The following ANKS1B variants were observed in gnomAD, a reference collection of about 807,000 sequenced individuals.
ANKS1B encodes the protein ankyrin repeat and sterile alpha motif domain containing 1B, also known as ankyrin repeat and sterile alpha motif domain-containing protein 1B.
ANKS1B carries 36 observed loss-of-function variants against 148.3 expected under a neutral mutation model. The ratio of observed to expected loss-of-function variants is 0.24; its 90% CI spans 0.19 to 0.32. The LOEUF (loss-of-function observed/expected upper bound fraction) is 0.32. Among genes scored for constraint, ANKS1B ranks in the 10% least tolerant of loss-of-function variants. ANKS1B has a pLI of 1.00. For synonymous variants in ANKS1B, 542 were observed against 560.8 expected (o/e 0.97, Z 0.47); for missense variants, 1,157 against 1,542.6 (o/e 0.75, Z 4.19).
chr12:99,409,978 T>G (rs2094638614), intron 11 of ANKS1B, among the ~76,000 whole-genome samples: 1 of 152,194 alleles, frequency 6.6e-6, no homozygotes, highest in Admixed American at 6.5e-5. Flanking sequence ...TGTGGTCCAG[T>G]CCTCATATCA....
chr12:99,366,020 C>T (rs758115837), intron 12 of ANKS1B, among the ~76,000 whole-genome samples: 1 of 152,140 alleles, frequency 6.6e-6, no homozygotes, highest in South Asian at 2.1e-4. Context: ...GTCACTGGAC[C>T]TGGATCTATT....
intron 8 of ANKS1B, among the ~76,000 whole-genome samples, chr12:99,770,043 T>C (rs1370913246): frequency 6.6e-6 from 1 of 152,170 alleles, no homozygotes; most frequent in Non-Finnish European, 1.5e-5. Context: ...TTTTAAAAAT[T>C]CCTTTGGCCA....
At chr12:98,974,938 TTTCC>T (rs1308136396) in intron 17 of ANKS1B, among the ~76,000 whole-genome samples, 3 of 142,604 alleles carry the variant, frequency 2.1e-5, no homozygotes, top group African/African-American at 5.2e-5. Context: ...TTCCTCCTTC[TTTCC>T]TTCCTTCATT....
intron 1 of ANKS1B, among the ~76,000 whole-genome samples, chr12:99,916,060 A>G (rs1170349711): frequency 6.6e-6 from 1 of 152,186 alleles, no homozygotes; most frequent in East Asian, 1.9e-4. Context: ...ACACAATTCA[A>G]CCTATGACAA....
At chr12:99,975,041 A>G (rs2095608896) in intron 1 of ANKS1B, among the ~76,000 whole-genome samples, 1 of 152,126 alleles carries the variant, frequency 6.6e-6, no homozygotes, top group Non-Finnish European at 1.5e-5. Context: ...AGTCCCAGCT[A>G]CTTGGGGTCT....
intron 7 of ANKS1B, among the ~76,000 whole-genome samples, chr12:99,773,681 C>T (rs375720774): frequency 8.0e-4 from 121 of 152,046 alleles, no homozygotes; most frequent in African/African-American, 2.7e-3. Flanking sequence ...ATACCTTATA[C>T]CTGTAATTTA....
chr12:99,342,775 G>A (rs1029590516), intron 12 of ANKS1B, among the ~76,000 whole-genome samples: 2 of 151,842 alleles, frequency 1.3e-5, no homozygotes, highest in African/African-American at 4.8e-5. Context: ...AAAGTAAAAT[G>A]GGAAAGACTA....
chr12:99,333,297 C>A (rs2087955634), intron 12 of ANKS1B, among the ~76,000 whole-genome samples: 1 of 151,896 alleles, frequency 6.6e-6, no homozygotes, highest in South Asian at 2.1e-4. Flanking sequence ...AAAGTTATTG[C>A]AATAATTTAG....
chr12:99,019,790 T>TA (rs1249673052), intron 17 of ANKS1B, among the ~76,000 whole-genome samples: 3 of 152,182 alleles, frequency 2.0e-5, no homozygotes, highest in African/African-American at 4.8e-5. Flanking sequence ...AATTCAGGAA[T>TA]AAAACTAAAG....
chr12:99,194,813 ACTTT>A (rs959999955), intron 14 of ANKS1B, among the ~76,000 whole-genome samples: 1 of 152,076 alleles, frequency 6.6e-6, no homozygotes, highest in African/African-American at 2.4e-5. Flanking sequence ...TATTTCTTAG[ACTTT>A]CTTCAAAATA....
At chr12:98,822,385 CT>C (rs2099203940) in intron 19 of ANKS1B, among the ~76,000 whole-genome samples, 1 of 152,176 alleles carries the variant, frequency 6.6e-6, no homozygotes, top group Admixed American at 6.5e-5. Context: ...ACAGCCAAAA[CT>C]GACCTGTGGA....
intron 14 of ANKS1B, among the ~76,000 whole-genome samples, chr12:99,215,093 T>G (rs2083951642): frequency 6.6e-6 from 1 of 152,162 alleles, no homozygotes; most frequent in African/African-American, 2.4e-5. Flanking sequence ...CACAAAGATA[T>G]GGTTTGGAAT....
Position 99,443,771 on chromosome 12 carries a change from T to C in ANKS1B, c.1477A>G (p.Ser493Gly), listed in dbSNP as rs1567111840. The change falls in exon 11 of 27, where the codon AGT becomes GGT. Residue 493 changes from serine (S) to glycine (G), a missense_variant. Around this residue, in one of 6 missense-constraint regions of ANKS1B, gnomAD observed 661 missense variants for 642.1 expected, o/e 1.03. Coordinates refer to ENST00000683438, the MANE Select transcript of ANKS1B (RefSeq NM_001352186.2). Reference sequence around the variant, plus strand: ...CCTGTTGAGCTGTTTCTATGGTTACTAGTTCCTGGAGTAGTAACTGCTACC... The same window carrying C: ...CCTGTTGAGCTGTTTCTATGGTTACCAGTTCCTGGAGTAGTAACTGCTACC... Reference protein sequence around the residue: ...SEVAVTTPGTSNHRNSSTGPT... With the variant: ...SEVAVTTPGTGNHRNSSTGPT... 1.2e-6 allele frequency: 2 copies of C among 1,611,840 alleles called. No individual in the cohort carries two copies. Among genetic ancestry groups the C allele is most frequent in the Non-Finnish European group, 1.7e-6 (2 of 1,178,604 alleles).
At chr12:99,299,426 A>T (rs2081317315) in intron 12 of ANKS1B, among the ~76,000 whole-genome samples, 1 of 152,204 alleles carries the variant, frequency 6.6e-6, no homozygotes, top group African/African-American at 2.4e-5. Flanking sequence ...TGTCAATATC[A>T]TGAAATAAAG....
chr12:99,171,828 A>C (rs565497129), intron 14 of ANKS1B, among the ~76,000 whole-genome samples: 2 of 152,310 alleles, frequency 1.3e-5, no homozygotes, highest in South Asian at 4.1e-4. Flanking sequence ...GAAGGTGATC[A>C]GAGAATTAAG....
rs199944426 is a variant in ANKS1B, at chr12:99,456,570, T to TA, written c.1439-12762dup. 7.9e-3 allele frequency among the ~76,000 whole-genome samples: 1,200 copies of TA among 151,626 alleles called. 13 individuals are homozygous for TA. The highest frequency in any genetic ancestry group is 0.027 in the African/African-American group (1,116 of 41,370). On this transcript the variant is annotated intron_variant, in intron 10 of 26. Transcript: ENST00000683438. ...AAAATCTCCAGTGAAATAGATAGCA[T>TA]AAAAAAAATCACAACTTCTGGAAAT...
In ANKS1B at chr12:99,655,150, T is replaced by C. The variant is rs766027549; in HGVS notation, c.1189A>G (p.Asn397Asp). Reference protein sequence around the residue: ...GEVEEEDDDENTCGPSGLWEA... With the variant: ...GEVEEEDDDEDTCGPSGLWEA... ...CAAAGTCCTGATGGCCCACACGTAT[T>C]TTCATCATCATCCTCTTCTTCCACT... The change falls in exon 9 of 27, where the codon AAT (asparagine) becomes GAT (aspartate). Residue 397 changes from asparagine (N) to aspartate (D), a missense_variant. By Grantham distance (23) the Asn-to-Asp change is conservative. Around this residue, in one of 6 missense-constraint regions of ANKS1B, gnomAD observed 661 missense variants for 642.1 expected, o/e 1.03. Transcript: ENST00000683438. 1.1e-5 allele frequency: 18 copies of C among 1,612,748 alleles called. No homozygotes were observed. Among genetic ancestry groups the C allele is most frequent in the Non-Finnish European group, 1.4e-5 (16 of 1,179,248 alleles).
At chr12:99,328,249 G>C (rs2086855944) in intron 12 of ANKS1B, among the ~76,000 whole-genome samples, 1 of 151,940 alleles carries the variant, frequency 6.6e-6, no homozygotes, top group Non-Finnish European at 1.5e-5. Flanking sequence ...GCAGGAGAAG[G>C]GTAACCAGGA....
At chr12:99,505,166 C>A (rs1195402185) in intron 9 of ANKS1B, among the ~76,000 whole-genome samples, 1 of 152,034 alleles carries the variant, frequency 6.6e-6, no homozygotes, top group Non-Finnish European at 1.5e-5. Flanking sequence ...GGAGCTAGGG[C>A]AAGCATTTTG....
Sources: allele counts gnomAD v4.1 joint callset (sites outside exome capture counted in the v4.1 genomes callset), GRCh38; gene constraint gnomAD v4.1.1; regional missense constraint gnomAD v4.1.1; transcripts MANE v1.5; gene names NCBI Gene and HGNC (gene_info 2026-07-23, HGNC 2026-07-21).